Variants in TMPRSS11A observed in about 807,000 individuals in gnomAD.
TMPRSS11A encodes transmembrane protease serine 11A.
TMPRSS11A carries 53 observed loss-of-function variants against 58.9 expected under a neutral mutation model. The observed-to-expected ratio is 0.90, with a 90% confidence interval of 0.72 to 1.13. The LOEUF is 1.13. TMPRSS11A is among the 50% of genes most tolerant of loss of function. TMPRSS11A has a pLI of 0.00. For synonymous variants in TMPRSS11A, 167 were observed against 169.8 expected (o/e 0.98, Z 0.13); for missense variants, 493 against 499.3 (o/e 0.99, Z 0.12).
chr4:67,914,524 T>C, intron 9 of TMPRSS11A, 64 bp downstream of exon 9: 2 of 1,467,046 alleles, frequency 1.4e-6, no homozygotes, highest in Non-Finnish European at 1.9e-6. Context: ...AAAGAACATA[T>C]AATATATTCT....
chr4:67,929,719 TAG>T (rs202090436), intron 5 of TMPRSS11A, among the ~76,000 whole-genome samples, 159 bp downstream of exon 5: 2,434 of 152,316 alleles, frequency 0.016, 32 homozygotes, highest in Non-Finnish European at 0.023. Flanking sequence ...ATGCTTACGT[TAG>T]AGACTAATAC....
intron 1 of TMPRSS11A, among the ~76,000 whole-genome samples, chr4:67,959,872 G>A (rs1043161642): frequency 1.3e-5 from 2 of 152,190 alleles, no homozygotes; most frequent in African/African-American, 2.4e-5. Flanking sequence ...ATGCACTCAT[G>A]TTTATTGCTG....
intron 1 of TMPRSS11A, among the ~76,000 whole-genome samples, chr4:67,953,601 C>A (rs1721213754): frequency 6.6e-6 from 1 of 152,110 alleles, no homozygotes; most frequent in Non-Finnish European, 1.5e-5. Flanking sequence ...GAGTTCGAGA[C>A]CAGCCTAACC....
At chr4:67,929,104 T>G (rs1720546287) in intron 5 of TMPRSS11A, among the ~76,000 whole-genome samples, 1 of 152,220 alleles carries the variant, frequency 6.6e-6, no homozygotes, top group African/African-American at 2.4e-5. Flanking sequence ...AATTAGAGAT[T>G]TAAATTTGAT....
intron 3 of TMPRSS11A, among the ~76,000 whole-genome samples, chr4:67,936,119 C>G (rs1377041746): frequency 1.3e-5 from 2 of 152,134 alleles, no homozygotes; most frequent in Non-Finnish European, 2.9e-5. Context: ...AACGCCTTCA[C>G]AGTGCCTACC....
At chr4:67,913,876 T>C (rs1440739) in intron 9 of TMPRSS11A, among the ~76,000 whole-genome samples, 75,895 of 152,078 alleles carry the variant, frequency 0.5, 19,761 homozygotes, top group East Asian at 0.68. Flanking sequence ...CTTAGAGTTC[T>C]AAAGTATCTC....
chr4:67,961,483 CTTTTTTTTTTTTTTTTTTTTTTTTTT>C (rs1553924063), intron 1 of TMPRSS11A, among the ~76,000 whole-genome samples: 12 of 7,162 alleles, frequency 1.7e-3, no homozygotes, highest in African/African-American at 3.0e-3. Flanking sequence ...TTTTCTTTTC[CTTTTTTTTTTTTTTTTTTTTTTTTTT>C]TTTTTTTTTT....
chr4:67,947,911 C>A (rs1721065373), intron 1 of TMPRSS11A, among the ~76,000 whole-genome samples: 1 of 152,140 alleles, frequency 6.6e-6, no homozygotes, highest in Non-Finnish European at 1.5e-5. Flanking sequence ...GGAAATAACA[C>A]AGGATGAGAG....
intron 4 of TMPRSS11A, among the ~76,000 whole-genome samples, chr4:67,931,788 A>G (rs906046843): frequency 6.6e-6 from 1 of 152,082 alleles, no homozygotes; most frequent in Admixed American, 6.6e-5. Flanking sequence ...CTTTGAACAT[A>G]TTTCTTACCC....
rs1271156822 is a variant in TMPRSS11A at position 67,910,225 on chromosome 4, A to T, written c.*1117T>A. The T allele has an allele frequency of 6.6e-6, 1 of 152,062 alleles. No individual in the cohort carries two copies. The highest frequency in any genetic ancestry group is 1.5e-5 in the Non-Finnish European group (1 of 67,920). 9.4% of individuals were successfully genotyped at this position (152,062 alleles called of 1,614,324 possible). A position where few individuals can be genotyped will look rare whatever the true frequency, so the allele number is the denominator to read the frequency against. ...CAAAGTGGTCCAAAAGAGAAAACAT[A>T]CTATATGTTATATGTTATAGCCCCA... On this transcript the variant is annotated 3_prime_UTR_variant, in exon 10 of 10. Transcript: ENST00000508048.
chr4:67,949,443 A>G (rs946039465), intron 1 of TMPRSS11A, among the ~76,000 whole-genome samples: 2 of 152,250 alleles, frequency 1.3e-5, no homozygotes, highest in African/African-American at 4.8e-5. Context: ...GCAGATGCGC[A>G]CTGCCAGATT....
chr4:67,929,825 T>G, intron 5 of TMPRSS11A, 55 bp downstream of exon 5: 1 of 1,399,350 alleles, frequency 7.1e-7, no homozygotes, highest in Non-Finnish European at 9.6e-7. Context: ...TTGAGATTCG[T>G]CAAAACATGG....
At chr4:67,963,216 AAATT>A (rs1180686729) in intron 1 of TMPRSS11A, among the ~76,000 whole-genome samples, 163 bp downstream of exon 1, 1 of 152,198 alleles carries the variant, frequency 6.6e-6, no homozygotes, top group Non-Finnish European at 1.5e-5. Flanking sequence ...TCAAACACAG[AAATT>A]AATTAATCCA....
In TMPRSS11A at chr4:67,917,520, C is replaced by G. The variant is rs1040040185; in HGVS notation, c.952+1453G>C. ...GTTTGCTTTACAGACTTGAATATAGCCTCTCTTGGTGAGTAACGAATGGCT... is the reference window on the plus strand; with the variant it reads ...GTTTGCTTTACAGACTTGAATATAGGCTCTCTTGGTGAGTAACGAATGGCT... On this transcript the variant is annotated intron_variant, in intron 8 of 9. Transcript: ENST00000508048. Among the ~76,000 whole-genome samples the G allele has an allele frequency of 3.0e-4, 46 of 152,092 alleles. 3 individuals carry two copies. Among genetic ancestry groups the G allele is most frequent in the Non-Finnish European group, 1.5e-5 (1 of 68,030 alleles).
At chr4:67,953,467 C>CT (rs1721211559) in intron 1 of TMPRSS11A, among the ~76,000 whole-genome samples, 1 of 152,134 alleles carries the variant, frequency 6.6e-6, no homozygotes, top group Admixed American at 6.5e-5. Context: ...TCCAAATGTA[C>CT]TTTTTTACTC....
chr4:67,945,108 T>G (rs1720970846), intron 2 of TMPRSS11A, among the ~76,000 whole-genome samples: 2 of 152,162 alleles, frequency 1.3e-5, no homozygotes, highest in African/African-American at 2.4e-5. Context: ...TGAATTTTGA[T>G]TTTTAACAAG....
At chr4:67,934,870 G>T (rs1408787471) in intron 3 of TMPRSS11A, among the ~76,000 whole-genome samples, 1 of 152,048 alleles carries the variant, frequency 6.6e-6, no homozygotes, top group Non-Finnish European at 1.5e-5. Context: ...TATTCACTTA[G>T]GGAGTGTTTT....
intron 7 of TMPRSS11A, among the ~76,000 whole-genome samples, chr4:67,919,807 C>T (rs1720270426): frequency 6.6e-6 from 1 of 152,002 alleles, no homozygotes; most frequent in Non-Finnish European, 1.5e-5. Context: ...GGCAAAAATC[C>T]CAAGGTCTTG....
At chr4:67,959,744 C>T (rs1302458860) in intron 1 of TMPRSS11A, among the ~76,000 whole-genome samples, 1 of 152,138 alleles carries the variant, frequency 6.6e-6, no homozygotes, top group African/African-American at 2.4e-5. Context: ...CTAGTTCAGC[C>T]ACAATGGAAA....
Sources: allele counts gnomAD v4.1 joint callset (sites outside exome capture counted in the v4.1 genomes callset), GRCh38; gene constraint gnomAD v4.1.1; transcripts MANE v1.5; gene names NCBI Gene and HGNC (gene_info 2026-07-23, HGNC 2026-07-21).